Variants in MECOM observed in about 807,000 individuals in gnomAD.
The protein encoded by MECOM is MDS1 and EVI1 complex locus.
Under a neutral mutation model 116.3 loss-of-function variants are expected in MECOM, and 13 were observed. That is an observed-to-expected ratio of 0.11 (90% CI 0.07 to 0.18). The LOEUF is 0.18. MECOM is among the 10% of genes least tolerant of loss of function. The pLI is 1.00. For synonymous variants in MECOM, 528 were observed against 535.2 expected (o/e 0.99, Z 0.19); for missense variants, 1,299 against 1,509.0 (o/e 0.86, Z 2.31).
chr3:169,425,267 G>T (rs1016564456), intron 1 of MECOM, among the ~76,000 whole-genome samples: 1 of 152,080 alleles, frequency 6.6e-6, no homozygotes, highest in African/African-American at 2.4e-5. Context: ...TATCAATTAA[G>T]AGAGAAGAAA....
At chr3:169,517,350 T>C (rs1031000216) in intron 1 of MECOM, among the ~76,000 whole-genome samples, 5 of 152,198 alleles carry the variant, frequency 3.3e-5, no homozygotes, top group African/African-American at 1.2e-4. Flanking sequence ...CTTTGTAAGG[T>C]AATAGATTTA....
At chr3:169,173,257 T>C (rs1216790241) in intron 2 of MECOM, among the ~76,000 whole-genome samples, 1 of 152,146 alleles carries the variant, frequency 6.6e-6, no homozygotes, top group Non-Finnish European at 1.5e-5. Context: ...TTTTTCAGGA[T>C]GCTCTCCTGG....
At chr3:169,185,218 A>G (rs530086966) in intron 2 of MECOM, among the ~76,000 whole-genome samples, 1 of 152,316 alleles carries the variant, frequency 6.6e-6, no homozygotes, top group Admixed American at 6.5e-5. Context: ...AGAATCAAGG[A>G]CAGGAAGATG....
intron 1 of MECOM, among the ~76,000 whole-genome samples, chr3:169,391,893 G>A (rs1022517313): frequency 2.0e-5 from 3 of 152,048 alleles, no homozygotes; most frequent in African/African-American, 7.2e-5. Context: ...GACACTTGAT[G>A]GGCACCAGGC....
intron 1 of MECOM, among the ~76,000 whole-genome samples, chr3:169,509,481 T>C (rs771699217): frequency 2.4e-4 from 36 of 152,190 alleles, no homozygotes; most frequent in Non-Finnish European, 8.8e-5. Flanking sequence ...TGAAACTCTG[T>C]ACCCAATAAC....
At chr3:169,161,966 G>A (rs1742913669) in intron 2 of MECOM, among the ~76,000 whole-genome samples, 2 of 152,182 alleles carry the variant, frequency 1.3e-5, no homozygotes, top group South Asian at 4.1e-4. Context: ...GTGACCTGAT[G>A]AGACCCTGGA....
intron 1 of MECOM, among the ~76,000 whole-genome samples, chr3:169,622,153 G>A (rs1376375468): frequency 6.6e-6 from 1 of 152,114 alleles, no homozygotes; most frequent in African/African-American, 2.4e-5. Context: ...GCAGTGGTGC[G>A]ATCTCGGCTC....
chr3:169,365,463 T>G (rs998058176), intron 2 of MECOM, among the ~76,000 whole-genome samples: 18 of 151,936 alleles, frequency 1.2e-4, no homozygotes, highest in Non-Finnish European at 4.4e-5. Context: ...GATACTCACA[T>G]GTGACACCTC....
intron 1 of MECOM, among the ~76,000 whole-genome samples, chr3:169,661,756 C>T (rs947015906): frequency 5.9e-5 from 9 of 152,208 alleles, no homozygotes; most frequent in African/African-American, 1.9e-4. Context: ...GGCGTGGATA[C>T]GATACCTACC....
At chr3:169,413,452 C>T (rs1455843096) in intron 1 of MECOM, among the ~76,000 whole-genome samples, 5 of 151,630 alleles carry the variant, frequency 3.3e-5, no homozygotes, top group South Asian at 4.2e-4. Flanking sequence ...ACCAAGCTAG[C>T]TGCTAGCTGC....
At chr3:169,617,349 T>C (rs1770139367) in intron 1 of MECOM, among the ~76,000 whole-genome samples, 1 of 152,232 alleles carries the variant, frequency 6.6e-6, no homozygotes, top group Non-Finnish European at 1.5e-5. Context: ...AGTCTTGACC[T>C]GACTTCAATG....
intron 1 of MECOM, among the ~76,000 whole-genome samples, chr3:169,399,556 A>G (rs1269805375): frequency 6.6e-6 from 1 of 152,220 alleles, no homozygotes; most frequent in Non-Finnish European, 1.5e-5. Context: ...CTGCTTGCAA[A>G]TGTGCCCCAG....
rs2148803793 is a variant in MECOM at position 169,084,289 on chromosome 3, AG to A, written c.*619del. ...AACCTCTTTGAGTGTTAACATCCAT[AG>A]TTTACAATATACACATACCCTTTTT... On this transcript the variant is annotated 3_prime_UTR_variant, in exon 17 of 17. Coordinates refer to ENST00000651503, the MANE Select transcript of MECOM (RefSeq NM_004991.4). The A allele has an allele frequency of 4.3e-6, 1 of 230,982 alleles. No individual in the cohort carries two copies. Among genetic ancestry groups the A allele is most frequent in the East Asian group, 6.2e-5 (1 of 16,236 alleles). The allele number at this position is 230,982 out of a possible 1,614,324, so 14.3% of individuals were successfully genotyped here. A position where few individuals can be genotyped will look rare whatever the true frequency, so the allele number is the denominator to read the frequency against.
At chr3:169,260,399 T>C (rs1314679586) in intron 2 of MECOM, among the ~76,000 whole-genome samples, 3 of 152,192 alleles carry the variant, frequency 2.0e-5, no homozygotes, top group African/African-American at 4.8e-5. Context: ...ACTTAATCTC[T>C]GACAGGCGTT....
At chr3:169,223,764 A>G (rs1371930978) in intron 2 of MECOM, among the ~76,000 whole-genome samples, 1 of 152,202 alleles carries the variant, frequency 6.6e-6, no homozygotes, top group Non-Finnish European at 1.5e-5. Flanking sequence ...ATTTAACAGT[A>G]TGTACATAGG....
In MECOM at chr3:169,483,733, T is replaced by A. The variant is rs1334993883; in HGVS notation, c.38-102209A>T. On this transcript the variant is annotated intron_variant, in intron 1 of 16. Transcript: ENST00000651503. ...ATCTGGAAGTAACGTAATTCGTAAC[T>A]CTCTTTGCTGTTAGCAACTACGCGC... The A allele has an allele frequency of 2.5e-6, 4 of 1,591,764 alleles. No individual in the cohort carries two copies. In the African/African-American group the frequency reaches 4.1e-5, roughly 16 times the overall value.
chr3:169,186,811 A>G (rs1416002939), intron 2 of MECOM, among the ~76,000 whole-genome samples: 1 of 152,112 alleles, frequency 6.6e-6, no homozygotes, highest in Non-Finnish European at 1.5e-5. Context: ...TGGGGATTAA[A>G]TGAGAGAGGC....
chr3:169,596,738 A>T (rs1397292223), intron 1 of MECOM, among the ~76,000 whole-genome samples: 2 of 152,210 alleles, frequency 1.3e-5, no homozygotes, highest in Non-Finnish European at 2.9e-5. Flanking sequence ...CCATAGAATT[A>T]GTGTTTCCAG....
At chr3:169,439,764 C>T (rs142375621) in intron 1 of MECOM, among the ~76,000 whole-genome samples, 14 of 152,190 alleles carry the variant, frequency 9.2e-5, no homozygotes, top group Admixed American at 7.2e-4. Flanking sequence ...TGTTCTTGTC[C>T]ACATTCCTTA....
Sources: allele counts gnomAD v4.1 joint callset (sites outside exome capture counted in the v4.1 genomes callset), GRCh38; gene constraint gnomAD v4.1.1; transcripts MANE v1.5; gene names NCBI Gene and HGNC (gene_info 2026-07-23, HGNC 2026-07-21).